The following MSR1 variants were observed in gnomAD, a reference collection of about 807,000 sequenced individuals.
The protein encoded by MSR1 is macrophage scavenger receptor 1.
In MSR1, 53 loss-of-function variants were observed where a neutral mutation model predicts 47.2. The observed-to-expected ratio is 1.12, with a 90% CI of 0.90 to 1.41. The LOEUF (loss-of-function observed/expected upper bound fraction) is 1.41. Among genes scored for constraint, MSR1 ranks in the 40% most tolerant of loss-of-function variants. The probability of loss-of-function intolerance (pLI) is 0.00; values close to 1 mark genes in which losing one functional copy is unlikely to be tolerated. For missense variants in MSR1, 786 were observed against 546.9 expected (o/e 1.44, Z -4.36); for synonymous variants, 239 against 185.6 (o/e 1.29, Z -2.34).
At chr8:16,182,572 T>A (rs887392807) in intron 1 of MSR1, among the ~76,000 whole-genome samples, 2 of 151,670 alleles carry the variant, frequency 1.3e-5, no homozygotes, top group Non-Finnish European at 2.9e-5. Flanking sequence ...TTTTTTTTTT[T>A]AATGTTTCTA....
At chr8:16,166,026 A>G (rs925527692) in intron 4 of MSR1, among the ~76,000 whole-genome samples, 3 of 152,126 alleles carry the variant, frequency 2.0e-5, no homozygotes, top group Non-Finnish European at 2.9e-5. Context: ...AGGGGGCTAA[A>G]AATTGCTGCA....
chr8:16,168,175 T>C (rs1801371756), intron 4 of MSR1, among the ~76,000 whole-genome samples: 2 of 152,318 alleles, frequency 1.3e-5, no homozygotes, highest in African/African-American at 4.8e-5. Context: ...TTATGATTGG[T>C]TTAGGCAGTC....
At chr8:16,163,277 A>T (rs1233263199) in intron 5 of MSR1, among the ~76,000 whole-genome samples, 1 of 151,932 alleles carries the variant, frequency 6.6e-6, no homozygotes, top group East Asian at 1.9e-4. Context: ...GGAAATAAAT[A>T]CAGTGCAAAG....
At chr8:16,181,599 T>C (rs1380410079) in intron 1 of MSR1, among the ~76,000 whole-genome samples, 1 of 151,456 alleles carries the variant, frequency 6.6e-6, no homozygotes, top group Non-Finnish European at 1.5e-5. Context: ...AGCTGAACAA[T>C]GAGAACACAT....
intron 8 of MSR1, among the ~76,000 whole-genome samples, chr8:16,133,927 G>C (rs372615966): frequency 6.6e-6 from 1 of 152,142 alleles, no homozygotes; most frequent in Non-Finnish European, 1.5e-5. Context: ...CAGTTGAGAT[G>C]TCTGTGGTGT....
At chr8:16,178,301 G>C (rs779325467) in intron 1 of MSR1, among the ~76,000 whole-genome samples, 3 of 132,368 alleles carry the variant, frequency 2.3e-5, no homozygotes, top group African/African-American at 8.8e-5. Flanking sequence ...TCCCCTTCCT[G>C]TGACCATGTG....
At chr8:16,166,164 C>CTTTTTTTTTT (rs397892292) in intron 4 of MSR1, among the ~76,000 whole-genome samples, 5 of 71,304 alleles carry the variant, frequency 7.0e-5, no homozygotes, top group African/African-American at 2.2e-4. Flanking sequence ...CTTTTTCTTT[C>CTTTTTTTTTT]TTTTTTTTTT....
At chr8:16,116,066 A>G (rs200484434) in intron 9 of MSR1, among the ~76,000 whole-genome samples, 10 of 152,202 alleles carry the variant, frequency 6.6e-5, no homozygotes, top group South Asian at 2.1e-4. Flanking sequence ...TCAATATACA[A>G]TGTAATAGCG....
chr8:16,188,424 T>A (rs958781498), intron 1 of MSR1, among the ~76,000 whole-genome samples: 2 of 152,156 alleles, frequency 1.3e-5, no homozygotes, highest in African/African-American at 4.8e-5. Context: ...CATGCACGTA[T>A]CATTTGGTAT....
At chr8:16,142,374 A>T (rs1281882334) in intron 8 of MSR1, among the ~76,000 whole-genome samples, 2 of 152,098 alleles carry the variant, frequency 1.3e-5, no homozygotes, top group African/African-American at 4.8e-5. Context: ...AGTATACAGC[A>T]TTCAAAAGTG....
intron 7 of MSR1, 111 bp downstream of exon 7, chr8:16,150,116 ATGTG>A (rs370312614): frequency 4.7e-6 from 1 of 214,364 alleles, no homozygotes; most frequent in Non-Finnish European, 8.7e-6. Flanking sequence ...ATATAACATT[ATGTG>A]TGTGTGTATG....
At chr8:16,164,355 G>T in intron 4 of MSR1, 104 bp from the exon 5 acceptor site, 2 of 911,632 alleles carry the variant, frequency 2.2e-6, no homozygotes, top group Non-Finnish European at 3.5e-6. Flanking sequence ...AACATATTAT[G>T]GGAGTTTTAT....
rs574588300 is a variant in MSR1 at position 16,149,287 on chromosome 8, G to C, written c.979+944C>G. ...ACCATGTGTGCATGGGTGGTTTATG[G>C]GAACTCTCTATGCTTTCTGTGCAGT... On this transcript the variant is annotated intron_variant, in intron 7 of 9. Transcript: ENST00000262101. Among the ~76,000 whole-genome samples the C allele has an allele frequency of 1.4e-4, 21 of 152,132 alleles. 1 individual carries two copies. Among genetic ancestry groups the C allele is most frequent in the Admixed American group, 5.2e-4 (8 of 15,266 alleles).
At chr8:16,141,041 T>C (rs776762338) in intron 8 of MSR1, 6 of 1,613,598 alleles carry the variant, frequency 3.7e-6, no homozygotes, top group South Asian at 2.2e-5. Context: ...TGAGTTGTAC[T>C]GGTCCTGACA....
Position 16,164,085 on chromosome 8 carries a change from C to G in MSR1, c.797G>C (p.Arg266Thr). ...TTTACCTTGAATTAAAGTGATATTT[C>G]TCAAGGTCTGAGAATGTTCCCAATC... ...LKDWEHSQTL[R>T]NITLIQGPPG... Residue 266 changes from arginine (R) to threonine (T), a missense_variant, in exon 5 of 10, where the codon AGA becomes ACA. Arg to Thr is a moderately conservative substitution (Grantham distance 71, BLOSUM62 -1). Transcript: ENST00000262101. 6.2e-7 allele frequency: 1 copy of G among 1,608,422 alleles called. No homozygotes were observed.
chr8:16,139,571 G>C lies in MSR1; in HGVS notation c.1033+3987C>G, dbSNP rs201021273. ...AATGTAGTCTGTTGATCAGTAGAGAGAAACCAAAAATATAACATGTAATCC... is the reference window on the plus strand; with the variant it reads ...AATGTAGTCTGTTGATCAGTAGAGACAAACCAAAAATATAACATGTAATCC... On this transcript the variant is annotated intron_variant, in intron 8 of 9. Coordinates refer to ENST00000262101, the MANE Select transcript of MSR1 (RefSeq NM_138715.3). The C allele has an allele frequency of 1.0e-5, 10 of 979,464 alleles. No individual in the cohort carries two copies. In the East Asian group the frequency reaches 8.0e-4, roughly 78 times the overall value. 60.7% of individuals were successfully genotyped at this position (979,464 alleles called of 1,614,324 possible).
intron 1 of MSR1, among the ~76,000 whole-genome samples, chr8:16,178,801 C>G (rs1381368395): frequency 1.3e-5 from 2 of 152,042 alleles, no homozygotes; most frequent in East Asian, 3.9e-4. Flanking sequence ...ACCATTCTAA[C>G]TGGTGTGAGA....
intron 8 of MSR1, among the ~76,000 whole-genome samples, chr8:16,137,458 C>G (rs1800419604): frequency 6.6e-6 from 1 of 152,074 alleles, no homozygotes; most frequent in African/African-American, 2.4e-5. Context: ...ATCTCTTTCT[C>G]TCTTTCCCTC....
Position 16,120,504 on chromosome 8 carries a change from C to G in MSR1, c.1136G>C (p.Trp379Ser). The change falls in exon 9 of 10, where the codon TGG becomes TCG. Residue 379 changes from tryptophan to serine, a missense_variant. Coordinates refer to ENST00000262101, the MANE Select transcript of MSR1 (RefSeq NM_138715.3). ...GACGACCTGTCCAACGCGCACTTCC[C>G]AGCGATCGTCACAAATTGTACCCCA... Reference protein sequence around the residue: ...GQWGTICDDRWEVRVGQVVCR... With the variant: ...GQWGTICDDRSEVRVGQVVCR... 4 of 1,613,806 alleles carry G rather than the reference C, an allele frequency of 2.5e-6. No individual in the cohort carries two copies. Among genetic ancestry groups the G allele is most frequent in the Non-Finnish European group, 3.4e-6 (4 of 1,179,898 alleles).
Sources: allele counts gnomAD v4.1 joint callset (sites outside exome capture counted in the v4.1 genomes callset), GRCh38; gene constraint gnomAD v4.1.1; transcripts MANE v1.5; gene names NCBI Gene and HGNC (gene_info 2026-07-23, HGNC 2026-07-21).